TJP2: variants seen among roughly 807,000 people sequenced by gnomAD.
The protein encoded by TJP2 is Friedreich ataxia region gene X104 (tight junction protein ZO-2).
A neutral mutation model predicts 133.1 loss-of-function variants in TJP2; 91 were observed. That is an observed-to-expected ratio of 0.68 (90% CI 0.58 to 0.81). TJP2 has a LOEUF of 0.81. Ranked by LOEUF, TJP2 falls within the 40% of genes least tolerant of loss-of-function variation. The pLI is 0.00. For missense variants in TJP2, 1,541 were observed against 1,565.6 expected (o/e 0.98, Z 0.26); for synonymous variants, 592 against 583.4 (o/e 1.01, Z -0.21).
chr9:69,169,142 T>A (rs1824530617), intron 2 of TJP2, among the ~76,000 whole-genome samples: 1 of 152,194 alleles, frequency 6.6e-6, no homozygotes, highest in South Asian at 2.1e-4. Flanking sequence ...AGTTGAGCAA[T>A]TCTCCTAACG....
chr9:69,167,880 A>AAG (rs1554772983), intron 2 of TJP2, among the ~76,000 whole-genome samples: 20 of 150,284 alleles, frequency 1.3e-4, no homozygotes, highest in South Asian at 6.3e-4. Context: ...AAAAAAAAAA[A>AAG]AAGAAGAAGA....
At chr9:69,213,714 C>T (rs1828121232) in intron 2 of TJP2, among the ~76,000 whole-genome samples, 1 of 152,164 alleles carries the variant, frequency 6.6e-6, no homozygotes, top group African/African-American at 2.4e-5. Context: ...TTCAACTTTC[C>T]TCGTCTTTCT....
intron 1 of TJP2, among the ~76,000 whole-genome samples, chr9:69,139,253 A>G (rs1163691495): frequency 6.6e-6 from 1 of 152,216 alleles, no homozygotes; most frequent in Non-Finnish European, 1.5e-5. Context: ...GTTTTACTTT[A>G]GTCAGTGTTA....
chr9:69,174,533 G>T (rs1432078175), intron 1 of TJP2, 101 bp downstream of exon 1: 5 of 1,330,448 alleles, frequency 3.8e-6, no homozygotes, highest in Non-Finnish European at 4.2e-6. Context: ...GTTGTTCCCC[G>T]ATGCGCCGTA....
chr9:69,179,120 AAGG>A (rs1182625061), intron 1 of TJP2, among the ~76,000 whole-genome samples: 45 of 152,316 alleles, frequency 3.0e-4, no homozygotes, highest in East Asian at 5.8e-4. Context: ...CGAATGAATC[AAGG>A]AGAAGAGAAA....
At position 69,251,656 on chromosome 9, in the gene TJP2, C is replaced by T. The variant is rs140233418; in HGVS notation, c.3321+292C>T. 4.0e-3 allele frequency among the ~76,000 whole-genome samples: 612 copies of T among 152,212 alleles called. 2 individuals carry two copies. The highest frequency in any genetic ancestry group is 0.014 in the African/African-American group (577 of 41,550). ...GAGGGAATCAGTGCCTCTCGGAAGT[C>T]GTTTTAATTAGAATGTGATTTTTTT... On this transcript the variant is annotated intron_variant, in intron 21 of 22. Coordinates refer to ENST00000377245, the MANE Select transcript of TJP2 (RefSeq NM_004817.4).
rs1270851304 is a variant in TJP2 at position 69,252,832 on chromosome 9, G to A, written c.3339G>A (p.Lys1113=). ...TACCACAGATCGAAATTGCCCAGAA[G>A]CATCCTGATATCTATGCAGTTCCAA... ...AQNARIEIAQ[K]HPDIYAVPIK... The change falls in exon 22 of 23, where the codon AAG becomes AAA. Residue 1113 remains lysine, a synonymous_variant. Transcript: ENST00000377245. 6.2e-7 allele frequency: 1 copy of A among 1,614,142 alleles called. No individual in the cohort carries two copies. Among genetic ancestry groups the A allele is most frequent in the Non-Finnish European group, 8.5e-7 (1 of 1,180,038 alleles).
chr9:69,237,770 A>G, intron 14 of TJP2, 108 bp from the exon 15 acceptor site: 1 of 797,748 alleles, frequency 1.3e-6, no homozygotes, highest in South Asian at 1.4e-5. Flanking sequence ...GAGAAACCAC[A>G]GTTTCTTTCG....
chr9:69,239,845 A>G, intron 16 of TJP2, 92 bp from the exon 17 acceptor site: 1 of 1,031,470 alleles, frequency 9.7e-7, no homozygotes, highest in South Asian at 1.4e-5. Context: ...AACAAGATAT[A>G]TCTCATACAG....
upstream of TJP2, among the ~76,000 whole-genome samples, chr9:69,172,825 G>T (rs1824763042): frequency 6.6e-6 from 1 of 151,984 alleles, no homozygotes; most frequent in African/African-American, 2.4e-5. Context: ...CTCCTGCCTT[G>T]CCTTCCCAAA....
intron 1 of TJP2, among the ~76,000 whole-genome samples, chr9:69,187,642 C>T (rs947231991): frequency 3.9e-5 from 6 of 152,232 alleles, no homozygotes; most frequent in Non-Finnish European, 8.8e-5. Flanking sequence ...TTTATCCTTT[C>T]AGAAGATCGG....
chr9:69,248,522 C>G (rs1364296478), intron 19 of TJP2: 1 of 1,291,220 alleles, frequency 7.7e-7, no homozygotes, highest in Non-Finnish European at 9.8e-7. Flanking sequence ...ACCAGCGGAA[C>G]CTTCCTTCCC....
intron 6 of TJP2, 75 bp from the exon 7 acceptor site, chr9:69,225,947 T>C (rs1829311713): frequency 1.3e-6 from 2 of 1,528,534 alleles, no homozygotes; most frequent in Non-Finnish European, 1.8e-6. Context: ...TTTACATTTT[T>C]AGAAGGGGAA....
chr9:69,195,483 A>G (rs1826490427), intron 1 of TJP2, among the ~76,000 whole-genome samples: 1 of 151,804 alleles, frequency 6.6e-6, no homozygotes, highest in South Asian at 2.1e-4. Context: ...TCAAATTGTG[A>G]CCAGGCACCT....
chr9:69,133,970 T>TCTTTCTCTTTCCCCTCTTTCTCTTTCCC (rs58415240), intron 1 of TJP2, among the ~76,000 whole-genome samples: 1 of 151,742 alleles, frequency 6.6e-6, no homozygotes, highest in South Asian at 2.1e-4. Context: ...TTCTCTTTTC[T>TCTTTCTCTTTCCCCTCTTTCTCTTTCCC]CTCTTTCTCT....
At chr9:69,229,956 G>T in intron 10 of TJP2, 126 bp from the exon 11 acceptor site, 1 of 1,249,042 alleles carries the variant, frequency 8.0e-7, no homozygotes, top group South Asian at 1.3e-5. Context: ...TGAGAAAAAT[G>T]AGAGGGCTTT....
chr9:69,121,337 C>T (rs1171120386), upstream of TJP2: 1 of 985,346 alleles, frequency 1.0e-6, no homozygotes. Context: ...GGCTCGCGCG[C>T]CCAGAACCCT....
chr9:69,206,635 T>TGGCGC (rs1287829914), intron 1 of TJP2, among the ~76,000 whole-genome samples: 1 of 152,058 alleles, frequency 6.6e-6, no homozygotes, highest in Non-Finnish European at 1.5e-5. Context: ...TGGAGTGCAG[T>TGGCGC]GGCGCGATTT....
intron 11 of TJP2, among the ~76,000 whole-genome samples, chr9:69,233,991 C>T (rs1378981641): frequency 6.6e-6 from 1 of 152,156 alleles, no homozygotes; most frequent in Non-Finnish European, 1.5e-5. Flanking sequence ...TTTATTTGAA[C>T]CAGTTTAAAA....
Sources: allele counts gnomAD v4.1 joint callset (sites outside exome capture counted in the v4.1 genomes callset), GRCh38; gene constraint gnomAD v4.1.1; transcripts MANE v1.5; gene names NCBI Gene and HGNC (gene_info 2026-07-23, HGNC 2026-07-21).